Variants in NRXN3 observed in about 807,000 individuals in gnomAD.
NRXN3 encodes the protein neurexin III.
In NRXN3, 32 loss-of-function variants were observed where a neutral mutation model predicts 137.6. The ratio of observed to expected loss-of-function variants is 0.23; its 90% CI spans 0.18 to 0.31. The LOEUF is 0.31. Ranked by LOEUF, NRXN3 falls within the 10% of genes least tolerant of loss-of-function variation. The pLI, the probability that NRXN3 is intolerant of heterozygous loss-of-function variation, is 1.00. For missense variants in NRXN3, 1,574 were observed against 2,062.5 expected, an observed-to-expected ratio of 0.76 and a Z score of 4.59; for synonymous variants, 798 against 784.5, an observed-to-expected ratio of 1.02 and a Z score of -0.29.
intron 15 of NRXN3, among the ~76,000 whole-genome samples, chr14:79,428,956 T>C (rs1414536283): frequency 2.6e-5 from 4 of 152,226 alleles, no homozygotes; most frequent in Admixed American, 6.5e-5. Flanking sequence ...TATAGATTGT[T>C]AGACTATTTA....
intron 4 of NRXN3, among the ~76,000 whole-genome samples, chr14:78,515,308 A>C (rs2096186131): frequency 6.6e-6 from 1 of 152,132 alleles, no homozygotes; most frequent in African/African-American, 2.4e-5. Context: ...TGGGGTCCCT[A>C]TGCTCTTTAC....
chr14:78,946,065 G>T (rs1158335563), intron 10 of NRXN3, among the ~76,000 whole-genome samples: 2 of 152,202 alleles, frequency 1.3e-5, no homozygotes, highest in Non-Finnish European at 2.9e-5. Flanking sequence ...AGCAAATATT[G>T]TCAAAAATAA....
chr14:78,606,152 G>A (rs2097250958), intron 4 of NRXN3, among the ~76,000 whole-genome samples: 1 of 152,132 alleles, frequency 6.6e-6, no homozygotes, highest in African/African-American at 2.4e-5. Flanking sequence ...AAAGACATCT[G>A]TTCCCCTTAT....
intron 6 of NRXN3, among the ~76,000 whole-genome samples, chr14:78,672,774 T>C (rs541300026): frequency 6.6e-6 from 1 of 152,276 alleles, no homozygotes; most frequent in Non-Finnish European, 1.5e-5. Flanking sequence ...CCTTCTTCAG[T>C]TCAGTATCTC....
intron 19 of NRXN3, among the ~76,000 whole-genome samples, chr14:79,746,909 G>C (rs1405724556): frequency 6.6e-6 from 1 of 152,018 alleles, no homozygotes; most frequent in Non-Finnish European, 1.5e-5. Flanking sequence ...ACTACCATTT[G>C]TTCCTCTAGA....
At chr14:78,421,276 GAAAAA>G (rs1324237586) in intron 4 of NRXN3, among the ~76,000 whole-genome samples, 3 of 144,030 alleles carry the variant, frequency 2.1e-5, no homozygotes, top group African/African-American at 5.1e-5. Flanking sequence ...AAAAAAAAAA[GAAAAA>G]AAAGAAAAGA....
intron 19 of NRXN3, among the ~76,000 whole-genome samples, chr14:79,712,731 T>TTCTG (rs1178496645): frequency 6.6e-6 from 1 of 152,186 alleles, no homozygotes; most frequent in African/African-American, 2.4e-5. Flanking sequence ...TTATTTCTTT[T>TTCTG]TCTGTCTTGG....
chr14:79,844,971 A>C (rs1295635991), intron 20 of NRXN3, among the ~76,000 whole-genome samples: 22 of 151,978 alleles, frequency 1.4e-4, no homozygotes, highest in Admixed American at 1.4e-3. Flanking sequence ...TCTTAGCTAG[A>C]TTTTCTGGAT....
At chr14:78,731,691 T>C (rs958456203) in intron 8 of NRXN3, among the ~76,000 whole-genome samples, 1 of 151,610 alleles carries the variant, frequency 6.6e-6, no homozygotes, top group African/African-American at 2.4e-5. Flanking sequence ...ACATATATTC[T>C]ATTCTATATA....
chr14:79,432,921 T>C (rs2095787508), intron 15 of NRXN3, among the ~76,000 whole-genome samples: 1 of 152,154 alleles, frequency 6.6e-6, no homozygotes, highest in Non-Finnish European at 1.5e-5. Context: ...GGACTGAGGG[T>C]GAGGGGACTG....
At chr14:78,638,439 A>C (rs2097585011) in intron 4 of NRXN3, among the ~76,000 whole-genome samples, 1 of 152,172 alleles carries the variant, frequency 6.6e-6, no homozygotes, top group Non-Finnish European at 1.5e-5. Context: ...TTGGCCCTAA[A>C]ATACATTGTA....
chr14:78,830,517 C>T (rs575380329), intron 10 of NRXN3, among the ~76,000 whole-genome samples: 35 of 152,076 alleles, frequency 2.3e-4, no homozygotes, highest in African/African-American at 8.2e-4. Context: ...CATTTTTTTC[C>T]TGCCTCGTCT....
At chr14:78,961,012 A>AT (rs201893544) in intron 11 of NRXN3, among the ~76,000 whole-genome samples, 5,553 of 137,194 alleles carry the variant, frequency 0.04, 161 homozygotes, top group Admixed American at 0.071. Flanking sequence ...GTATTTGCTA[A>AT]TTTTTTTTTT....
At chr14:79,645,220 G>C (rs1017337123) in intron 16 of NRXN3, among the ~76,000 whole-genome samples, 1 of 135,038 alleles carries the variant, frequency 7.4e-6, no homozygotes, top group African/African-American at 2.5e-5. Context: ...TGGATTTCCT[G>C]TATTCCATTC....
chr14:79,508,980 A>G (rs1601421200), intron 16 of NRXN3, among the ~76,000 whole-genome samples: 1 of 151,902 alleles, frequency 6.6e-6, no homozygotes, highest in Non-Finnish European at 1.5e-5. Flanking sequence ...TCATTTGAGG[A>G]TCACAGGAGT....
Position 79,193,664 on chromosome 14 carries a change from A to G in NRXN3, c.3262+205523A>G, listed in dbSNP as rs549635789. Among the ~76,000 whole-genome samples the G allele has an allele frequency of 2.0e-5, 3 of 152,316 alleles. No individual in the cohort carries two copies. In the South Asian group the frequency reaches 6.2e-4, roughly 32 times the overall value. ...AAGTAACTAATGGGCAGGGAAAAAAATCTGCTTAAACTCTCATTTCAATCA... is the reference window on the plus strand; with the variant it reads ...AAGTAACTAATGGGCAGGGAAAAAAGTCTGCTTAAACTCTCATTTCAATCA... On this transcript the variant is annotated intron_variant, in intron 15 of 20. Coordinates refer to ENST00000335750, the MANE Select transcript of NRXN3 (RefSeq NM_001330195.2).
intron 4 of NRXN3, among the ~76,000 whole-genome samples, chr14:78,302,016 T>A (rs920688513): frequency 1.1e-4 from 16 of 152,164 alleles, no homozygotes; most frequent in African/African-American, 3.9e-4. Flanking sequence ...AAGGGCTACA[T>A]CTGGCTGTAT....
At chr14:78,669,585 C>A (rs914478889) in intron 6 of NRXN3, among the ~76,000 whole-genome samples, 4 of 152,058 alleles carry the variant, frequency 2.6e-5, no homozygotes, top group Admixed American at 6.5e-5. Context: ...AGGTCTGAGG[C>A]CTGTTTGTCC....
At chr14:79,832,567 G>A (rs888614909) in intron 20 of NRXN3, among the ~76,000 whole-genome samples, 2 of 152,110 alleles carry the variant, frequency 1.3e-5, no homozygotes, top group African/African-American at 2.4e-5. Flanking sequence ...AGATGCTAAC[G>A]GCATCTAGTG....
Sources: gnomAD v4.1 joint callset for allele counts (sites outside exome capture counted in the v4.1 genomes callset) on GRCh38, gnomAD v4.1.1 for gene constraint, MANE v1.5 for transcripts, NCBI Gene and HGNC (gene_info 2026-07-23, HGNC 2026-07-21) for gene names.